The following TTC7B variants were observed in gnomAD, a reference collection of about 807,000 sequenced individuals.
The protein encoded by TTC7B is tetratricopeptide repeat domain 7B.
A neutral mutation model predicts 106.8 loss-of-function variants in TTC7B; 28 were observed. That is an observed-to-expected ratio of 0.26 (90% CI 0.19 to 0.36). TTC7B has a LOEUF of 0.36. Among genes scored for constraint, TTC7B ranks in the 10% least tolerant of loss-of-function variants. TTC7B has a pLI of 1.00. For missense variants in TTC7B, 862 were observed against 1,076.4 expected, an observed-to-expected ratio of 0.80 and a Z score of 2.79; for synonymous variants, 405 against 430.6, an observed-to-expected ratio of 0.94 and a Z score of 0.74.
At chr14:90,684,781 C>T (rs144667774) in intron 7 of TTC7B, among the ~76,000 whole-genome samples, 56 of 151,908 alleles carry the variant, frequency 3.7e-4, no homozygotes, top group Admixed American at 6.6e-4. Flanking sequence ...CCTTTCCTGA[C>T]CAAATGCTAC....
At chr14:90,810,731 C>A (rs898219839) in intron 1 of TTC7B, among the ~76,000 whole-genome samples, 7 of 152,198 alleles carry the variant, frequency 4.6e-5, no homozygotes, top group African/African-American at 1.7e-4. Flanking sequence ...TCTGTAAGGT[C>A]TTCTCTGGTT....
chr14:90,607,022 T>C (rs549738928), intron 17 of TTC7B, among the ~76,000 whole-genome samples: 12 of 151,576 alleles, frequency 7.9e-5, no homozygotes, highest in Non-Finnish European at 1.6e-4. Flanking sequence ...TATTAGGGAC[T>C]GGCCTTAAAA....
intron 15 of TTC7B, among the ~76,000 whole-genome samples, chr14:90,623,747 G>A (rs1284800928): frequency 3.3e-5 from 5 of 152,328 alleles, no homozygotes; most frequent in South Asian, 4.1e-4. Context: ...TTGGCTGGGC[G>A]CTGTGGCTCA....
At chr14:90,614,615 C>T (rs1892996327) in intron 16 of TTC7B, among the ~76,000 whole-genome samples, 1 of 152,200 alleles carries the variant, frequency 6.6e-6, no homozygotes, top group South Asian at 2.1e-4. Flanking sequence ...TGATGTTAGG[C>T]CTGGGGCTGA....
intron 5 of TTC7B, 130 bp downstream of exon 5, chr14:90,729,944 GA>G: frequency 4.7e-6 from 4 of 845,242 alleles, no homozygotes; most frequent in Non-Finnish European, 6.8e-6. Context: ...TTCTTTAAAA[GA>G]AAAAAAAAGT....
intron 9 of TTC7B, among the ~76,000 whole-genome samples, chr14:90,661,384 C>T (rs1886198267): frequency 6.6e-6 from 1 of 152,186 alleles, no homozygotes; most frequent in African/African-American, 2.4e-5. Context: ...GAAATGAAAG[C>T]AGCATGCTGA....
At chr14:90,722,517 A>G (rs751407017) in intron 5 of TTC7B, among the ~76,000 whole-genome samples, 37 of 152,180 alleles carry the variant, frequency 2.4e-4, no homozygotes, top group Non-Finnish European at 4.9e-4. Flanking sequence ...TTAATCTTCC[A>G]CCATCATTCT....
chr14:90,611,808 G>A (rs189540188), intron 16 of TTC7B, among the ~76,000 whole-genome samples: 1 of 152,186 alleles, frequency 6.6e-6, no homozygotes, highest in Non-Finnish European at 1.5e-5. Context: ...AATTCTAGGA[G>A]GCTCGTAGGT....
At chr14:90,728,620 C>T (rs1259980707) in intron 5 of TTC7B, among the ~76,000 whole-genome samples, 1 of 152,192 alleles carries the variant, frequency 6.6e-6, no homozygotes, top group African/African-American at 2.4e-5. Flanking sequence ...GCCAGTGTCT[C>T]AGGGCCCAGT....
intron 9 of TTC7B, among the ~76,000 whole-genome samples, chr14:90,669,492 AG>A (rs1366147429): frequency 1.2e-4 from 18 of 151,750 alleles, no homozygotes; most frequent in Non-Finnish European, 1.6e-4. Context: ...TGAGGCCAAG[AG>A]TCTGAGACCA....
intron 5 of TTC7B, among the ~76,000 whole-genome samples, chr14:90,727,618 G>A (rs181109091): frequency 5.9e-5 from 9 of 152,354 alleles, no homozygotes; most frequent in Admixed American, 5.9e-4. Context: ...TTCTGGAAAA[G>A]ATGGGAGAGT....
intron 1 of TTC7B, among the ~76,000 whole-genome samples, chr14:90,793,166 A>G (rs976853451): frequency 6.6e-6 from 1 of 151,906 alleles, no homozygotes; most frequent in Admixed American, 6.6e-5. Flanking sequence ...CTTCCCATTT[A>G]CCTTCCACCA....
At chr14:90,690,885 G>A (rs1450551258) in intron 6 of TTC7B, among the ~76,000 whole-genome samples, 1 of 152,202 alleles carries the variant, frequency 6.6e-6, no homozygotes. Context: ...AGTGGTTTCT[G>A]ATAACCACTG....
chr14:90,617,365 T>C (rs550747626), intron 16 of TTC7B, among the ~76,000 whole-genome samples: 3 of 152,358 alleles, frequency 2.0e-5, no homozygotes, highest in South Asian at 4.1e-4. Flanking sequence ...TTCAAACTCT[T>C]CTGTGAATAG....
At position 90,525,592 on chromosome 14, in the gene TTC7B, T is replaced by G. The variant is rs2139743792; in HGVS notation, c.*15776A>C. The stretch of plus-strand genomic sequence containing the variant: ...TGGCGGGGTCGATCTGTGCAGACGC[T>G]GCTAGTGGTTCCGCAGTCGTCGCTG... On this transcript the variant is annotated 3_prime_UTR_variant, in exon 20 of 20. Transcript: ENST00000328459. 6.6e-6 allele frequency: 1 copy of G among 151,114 alleles called. No homozygotes were observed. Among genetic ancestry groups the G allele is most frequent in the Admixed American group, 6.6e-5 (1 of 15,176 alleles). The allele number at this position is 151,114 out of a possible 1,614,324, so 9.4% of individuals were successfully genotyped here.
chr14:90,772,463 T>C (rs1448876986), intron 3 of TTC7B, among the ~76,000 whole-genome samples: 1 of 152,090 alleles, frequency 6.6e-6, no homozygotes, highest in Non-Finnish European at 1.5e-5. Flanking sequence ...TATAGTGAAG[T>C]AGAAAAAGCA....
chr14:90,568,062 A>G (rs1890873672), intron 19 of TTC7B, among the ~76,000 whole-genome samples: 2 of 152,334 alleles, frequency 1.3e-5, no homozygotes, highest in East Asian at 3.9e-4. Context: ...ATTCAGGCCC[A>G]AGATGACTTG....
In TTC7B at chr14:90,667,524, G is replaced by A. The variant is rs772820317; in HGVS notation, c.1152+8999C>T. Among the ~76,000 whole-genome samples, 18 of 152,182 alleles carry A rather than the reference G, an allele frequency of 1.2e-4. No individual in the cohort carries two copies. In the East Asian group the frequency reaches 1.7e-3, roughly 15 times the overall value. On this transcript the variant is annotated intron_variant, in intron 9 of 19. Transcript: ENST00000328459. ...AAGCAAAATGTTATCCCCTACCCCCGCAAACAACCCCATTCTTCTCATGCA... is the reference window on the plus strand; with the variant it reads ...AAGCAAAATGTTATCCCCTACCCCCACAAACAACCCCATTCTTCTCATGCA...
intron 5 of TTC7B, among the ~76,000 whole-genome samples, chr14:90,720,795 C>A (rs1309206066): frequency 1.3e-5 from 2 of 152,112 alleles, no homozygotes; most frequent in Non-Finnish European, 2.9e-5. Context: ...TATTATCTTC[C>A]CCTTTCCTAA....
Sources: allele counts gnomAD v4.1 joint callset (sites outside exome capture counted in the v4.1 genomes callset), GRCh38; gene constraint gnomAD v4.1.1; transcripts MANE v1.5; gene names NCBI Gene and HGNC (gene_info 2026-07-23, HGNC 2026-07-21).